Variants in NEDD4 observed in about 807,000 individuals in gnomAD.
NEDD4 encodes the protein E3 ubiquitin-protein ligase NEDD4.
A neutral mutation model predicts 144.9 loss-of-function variants in NEDD4; 99 were observed. The ratio of observed to expected loss-of-function variants is 0.68; its 90% CI spans 0.58 to 0.81. The LOEUF (loss-of-function observed/expected upper bound fraction) is 0.81. Ranked by LOEUF, NEDD4 falls within the 30% of genes least tolerant of loss-of-function variation. The probability of loss-of-function intolerance (pLI) is 0.00; values close to 1 mark genes in which losing one functional copy is unlikely to be tolerated. For synonymous variants in NEDD4, 318 were observed against 350.6 expected (o/e 0.91, Z 1.04); for missense variants, 985 against 1,065.9 (o/e 0.92, Z 1.06).
rs117958966 is a variant in NEDD4 at position 55,973,060 on chromosome 15, G to C, written c.46-6514C>G. ...TTGGAAATTTCAATATCCCACTTTC[G>C]GCACTGGATAGATCATTCAGACAGA... On this transcript the variant is annotated intron_variant, in intron 1 of 28. Transcript: ENST00000435532. Among the ~76,000 whole-genome samples the C allele has an allele frequency of 6.7e-3, 1,017 of 152,098 alleles. 8 individuals are homozygous for C. The highest frequency in any genetic ancestry group is 0.011 in the Non-Finnish European group (782 of 68,004).
intron 5 of NEDD4, among the ~76,000 whole-genome samples, chr15:55,903,099 A>G (rs1223765960): frequency 6.6e-6 from 1 of 152,190 alleles, no homozygotes; most frequent in Admixed American, 6.5e-5. Flanking sequence ...TTTTCACTCA[A>G]CAATGGCCAT....
intron 1 of NEDD4, among the ~76,000 whole-genome samples, chr15:55,974,915 G>C (rs2037675365): frequency 3.1e-5 from 1 of 32,590 alleles, no homozygotes; most frequent in Non-Finnish European, 6.4e-5. Flanking sequence ...TTTTTTTTGA[G>C]ATGGAGTCTT....
intron 5 of NEDD4, among the ~76,000 whole-genome samples, chr15:55,922,324 T>C (rs369365267): frequency 4.6e-5 from 7 of 152,230 alleles, no homozygotes; most frequent in Admixed American, 3.9e-4. Flanking sequence ...AGAGATATAC[T>C]ATTTTTACAA....
intron 14 of NEDD4, among the ~76,000 whole-genome samples, chr15:55,849,858 T>A (rs2033909513): frequency 6.6e-6 from 1 of 151,612 alleles, no homozygotes; most frequent in Non-Finnish European, 1.5e-5. Flanking sequence ...AGTGGTGCGA[T>A]CTTGGCTCAC....
At chr15:55,837,643 A>G (rs2033274419) in intron 24 of NEDD4, 146 bp downstream of exon 24, 1 of 542,494 alleles carries the variant, frequency 1.8e-6, no homozygotes, top group Non-Finnish European at 3.2e-6. Context: ...TGAATGGAAT[A>G]TTTAGTTAAT....
At chr15:55,954,574 G>A (rs1256749007) in intron 2 of NEDD4, among the ~76,000 whole-genome samples, 1 of 151,986 alleles carries the variant, frequency 6.6e-6, no homozygotes, top group East Asian at 1.9e-4. Flanking sequence ...GCCTAGGCTG[G>A]AATGCAATGG....
At chr15:55,969,898 A>G (rs909850699) in intron 1 of NEDD4, among the ~76,000 whole-genome samples, 5 of 152,128 alleles carry the variant, frequency 3.3e-5, no homozygotes, top group African/African-American at 1.2e-4. Flanking sequence ...AAAAAAAAAA[A>G]AATTGTCTGC....
In NEDD4 at chr15:55,848,428, T is replaced by C. The variant is rs1257904544; in HGVS notation, c.1486A>G (p.Ile496Val). The C allele has an allele frequency of 1.7e-5, 27 of 1,613,992 alleles. No homozygotes were observed. Among genetic ancestry groups the C allele is most frequent in the Non-Finnish European group, 2.3e-5 (27 of 1,179,978 alleles). The change falls in exon 17 of 29, where the codon ATA becomes GTA. Residue 496 changes from isoleucine (I) to valine (V), a missense_variant and splice_region_variant. Physicochemically the swap from Ile to Val is conservative, Grantham distance 29. Coordinates refer to ENST00000435532, the MANE Select transcript of NEDD4 (RefSeq NM_006154.4). ...DGRIFYINHNIKRTQWEDPRL... is the reference protein window; with the variant it reads ...DGRIFYINHNVKRTQWEDPRL... Reference sequence around the variant, plus strand: ...GGATCTTCCCATTGTGTTCTTTTTATATCTGAAGGGAAGAAAAAGAAAAAA... The same window carrying C: ...GGATCTTCCCATTGTGTTCTTTTTACATCTGAAGGGAAGAAAAAGAAAAAA...
At chr15:55,957,415 G>A (rs2037355550) in intron 2 of NEDD4, among the ~76,000 whole-genome samples, 1 of 152,198 alleles carries the variant, frequency 6.6e-6, no homozygotes, top group Non-Finnish European at 1.5e-5. Context: ...TAGGTGGTTA[G>A]CTACTGGGTT....
intron 5 of NEDD4, among the ~76,000 whole-genome samples, chr15:55,918,728 C>T (rs1339480200): frequency 1.3e-5 from 2 of 152,072 alleles, no homozygotes; most frequent in Non-Finnish European, 2.9e-5. Context: ...TTTTTGAATG[C>T]GTACAATAGT....
chr15:55,886,615 T>C (rs1429564468), intron 5 of NEDD4, among the ~76,000 whole-genome samples: 2 of 151,828 alleles, frequency 1.3e-5, no homozygotes, highest in East Asian at 1.9e-4. Context: ...ATACAAAAAA[T>C]TAGCAGAGCG....
chr15:55,905,384 C>G (rs767843006), intron 5 of NEDD4: 2 of 419,860 alleles, frequency 4.8e-6, no homozygotes, highest in Admixed American at 6.0e-5. Context: ...AACAGTGAAA[C>G]CCACCAGTTG....
chr15:55,858,857 G>C (rs1056363385), intron 11 of NEDD4, among the ~76,000 whole-genome samples: 1 of 152,202 alleles, frequency 6.6e-6, no homozygotes, highest in South Asian at 2.1e-4. Flanking sequence ...TATGGTTGCT[G>C]CTGTAACTAC....
At chr15:55,914,046 G>A (rs1452515838) in intron 5 of NEDD4, among the ~76,000 whole-genome samples, 1 of 151,820 alleles carries the variant, frequency 6.6e-6, no homozygotes, top group African/African-American at 2.4e-5. Context: ...TTATAGATCA[G>A]AATTTGAAAT....
At chr15:55,853,899 A>G (rs2034089242) in intron 12 of NEDD4, among the ~76,000 whole-genome samples, 1 of 152,168 alleles carries the variant, frequency 6.6e-6, no homozygotes, top group Non-Finnish European at 1.5e-5. Flanking sequence ...GCTGAGACAG[A>G]AGAACTGCTT....
chr15:55,839,849 G>A (rs577022610), intron 21 of NEDD4, among the ~76,000 whole-genome samples: 62 of 150,256 alleles, frequency 4.1e-4, no homozygotes, highest in South Asian at 8.6e-4. Flanking sequence ...GGTGGTGCGC[G>A]CCTGTAGTCC....
At chr15:55,896,491 A>C (rs1003478666) in intron 5 of NEDD4, among the ~76,000 whole-genome samples, 6 of 152,096 alleles carry the variant, frequency 3.9e-5, no homozygotes, top group Non-Finnish European at 5.9e-5. Context: ...CCACAATGCC[A>C]TTTTAATAAA....
At chr15:55,915,537 T>C in intron 5 of NEDD4, 2 of 1,614,008 alleles carry the variant, frequency 1.2e-6, no homozygotes, top group Non-Finnish European at 1.7e-6. Flanking sequence ...GATATTTATT[T>C]GACAATCTAC....
At chr15:55,976,471 G>A (rs1240538159) in intron 1 of NEDD4, among the ~76,000 whole-genome samples, 1 of 152,054 alleles carries the variant, frequency 6.6e-6, no homozygotes, top group African/African-American at 2.4e-5. Flanking sequence ...TATTTGAAAA[G>A]GTGCTCAAAT....
Sources: gnomAD v4.1 joint callset for allele counts (sites outside exome capture counted in the v4.1 genomes callset) on GRCh38, gnomAD v4.1.1 for gene constraint, MANE v1.5 for transcripts, NCBI Gene and HGNC (gene_info 2026-07-23, HGNC 2026-07-21) for gene names.